GTF3C6: variants seen among roughly 807,000 people sequenced by gnomAD.
GTF3C6 encodes general transcription factor IIIC subunit 6, also known as general transcription factor 3C polypeptide 6.
A neutral mutation model predicts 19.2 loss-of-function variants in GTF3C6; 11 were observed. The observed-to-expected ratio is 0.57, with a 90% CI of 0.36 to 0.95. The LOEUF is 0.95. Among genes scored for constraint, GTF3C6 ranks in the 40% least tolerant of loss-of-function variants. The probability of loss-of-function intolerance (pLI) is 0.01; values close to 1 mark genes in which losing one functional copy is unlikely to be tolerated. For missense variants in GTF3C6, 222 were observed against 254.7 expected (o/e 0.87, Z 0.87); for synonymous variants, 87 against 84.2 (o/e 1.03, Z -0.18).
At position 110,967,742 on chromosome 6, in the gene GTF3C6, T is replaced by G; in HGVS notation, c.594T>G (p.Pro198=). The change falls in exon 6 of 6, where the codon CCT becomes CCG. Residue 198 remains proline, a synonymous_variant. Coordinates refer to ENST00000329970, the MANE Select transcript of GTF3C6 (RefSeq NM_138408.4). The part of the protein sequence containing the change: ...IEDSGPLIDI[P]SETEGSVFME... ...ATTCTGGTCCTCTTATTGATATACC[T>G]TCTGAGACAGAAGGTTCTGTTTTTA... is the stretch of plus-strand genomic sequence containing the variant. The G allele has an allele frequency of 6.2e-7, 1 of 1,612,764 alleles. No homozygotes were observed. The highest frequency in any genetic ancestry group is 8.5e-7 in the Non-Finnish European group (1 of 1,179,602).
chr6:110,959,006 C>T, intron 1 of GTF3C6, 166 bp from the exon 2 acceptor site: 3 of 832,006 alleles, frequency 3.6e-6, no homozygotes, highest in East Asian at 5.3e-5. Context: ...ATCGTCACCC[C>T]GTACTTGGGA....
intron 2 of GTF3C6, 23 bp from the exon 3 acceptor site, chr6:110,960,391 T>TA: frequency 1.3e-6 from 2 of 1,547,580 alleles, no homozygotes; most frequent in Non-Finnish European, 1.7e-6. Context: ...GTTTTTTTTT[T>TA]ATGATCCTTT....
intron 5 of GTF3C6, among the ~76,000 whole-genome samples, chr6:110,964,798 C>G (rs6912965): frequency 6.6e-6 from 1 of 151,654 alleles, no homozygotes; most frequent in Admixed American, 6.6e-5. Flanking sequence ...CCCACCACCA[C>G]GCCCGGCTAA....
intron 4 of GTF3C6, among the ~76,000 whole-genome samples, chr6:110,961,149 C>T (rs1259665649): frequency 6.6e-6 from 1 of 151,794 alleles, no homozygotes; most frequent in African/African-American, 2.4e-5. Context: ...TGATCACTCT[C>T]CTGAATTCTT....
At chr6:110,958,986 C>T (rs6909177) in intron 1 of GTF3C6, 160 bp downstream of exon 1, 13,654 of 901,854 alleles carry the variant, frequency 0.015, 129 homozygotes, top group Non-Finnish European at 0.019. Context: ...AGCTTGGGAC[C>T]TTAGCCCTAA....
chr6:110,964,451 G>T (rs929079733), intron 5 of GTF3C6, among the ~76,000 whole-genome samples: 3 of 151,786 alleles, frequency 2.0e-5, no homozygotes, highest in Non-Finnish European at 4.4e-5. Context: ...CACCATGTTG[G>T]TCAGGCTGGT....
At chr6:110,959,283 TAG>T (rs763869269) in intron 2 of GTF3C6, 31 bp downstream of exon 2, 9 of 1,287,830 alleles carry the variant, frequency 7.0e-6, no homozygotes, top group East Asian at 2.3e-5. Context: ...GGGATTGTTC[TAG>T]AGTGTCTTAA....
Position 110,959,163 on chromosome 6 carries a change from T to G in GTF3C6, c.58-9T>G. ...GTGCTAGCATGTTAACCCCTCTTTC[T>G]TTCACCAGGAGCAGTTGGTTCTGGT... On this transcript the variant is annotated splice_polypyrimidine_tract_variant and intron_variant, in intron 1 of 5. Transcript: ENST00000329970. 1.9e-6 allele frequency: 3 copies of G among 1,600,968 alleles called. No individual in the cohort carries two copies. Among genetic ancestry groups the G allele is most frequent in the Non-Finnish European group, 2.6e-6 (3 of 1,168,200 alleles).
intron 4 of GTF3C6, among the ~76,000 whole-genome samples, chr6:110,961,215 A>G (rs1177949174): frequency 2.7e-5 from 4 of 148,628 alleles, no homozygotes; most frequent in East Asian, 2.1e-4. Flanking sequence ...CAGTGGTGCA[A>G]TCTTGGCTCA....
At chr6:110,964,607 C>T (rs959518024) in intron 5 of GTF3C6, among the ~76,000 whole-genome samples, 1 of 151,986 alleles carries the variant, frequency 6.6e-6, no homozygotes, top group African/African-American at 2.4e-5. Context: ...CTGAAGAGAC[C>T]ACTGTGCCCA....
intron 5 of GTF3C6, among the ~76,000 whole-genome samples, chr6:110,966,038 G>A (rs548960674): frequency 5.9e-5 from 9 of 152,194 alleles, no homozygotes; most frequent in Non-Finnish European, 1.2e-4. Flanking sequence ...GTTGTTGGCA[G>A]GAGGCCTCAG....
At chr6:110,959,355 C>A in intron 2 of GTF3C6, 103 bp downstream of exon 2, 1 of 732,022 alleles carries the variant, frequency 1.4e-6, no homozygotes, top group Non-Finnish European at 2.4e-6. Context: ...ATTTATTTCA[C>A]CTTACAAAGT....
intron 2 of GTF3C6, 103 bp downstream of exon 2, chr6:110,959,355 C>T (rs1455623106): frequency 9.6e-6 from 7 of 731,906 alleles, no homozygotes; most frequent in Admixed American, 7.2e-5. Flanking sequence ...ATTTATTTCA[C>T]CTTACAAAGT....
chr6:110,962,609 G>T, intron 5 of GTF3C6, 104 bp downstream of exon 5: 2 of 664,576 alleles, frequency 3.0e-6, no homozygotes, highest in South Asian at 1.9e-5. Flanking sequence ...AACTATACAT[G>T]ATTTTTGTTT....
In GTF3C6 at chr6:110,960,560, AT is replaced by A; in HGVS notation, c.203-7del. On this transcript the variant is annotated splice_polypyrimidine_tract_variant and intron_variant, in intron 3 of 5. Coordinates refer to ENST00000329970, the MANE Select transcript of GTF3C6 (RefSeq NM_138408.4). ...GCTCTTCTCAACAATTTGCCTTTGT[AT>A]TTTTCTGCAGACACTCTAGGGACCT... 1 of 1,613,564 alleles carries A rather than the reference AT, an allele frequency of 6.2e-7. No individual in the cohort carries two copies. The highest frequency in any genetic ancestry group is 8.5e-7 in the Non-Finnish European group (1 of 1,179,664).
intron 2 of GTF3C6, among the ~76,000 whole-genome samples, chr6:110,959,748 A>G (rs1234838311): frequency 6.6e-6 from 1 of 151,954 alleles, no homozygotes; most frequent in Non-Finnish European, 1.5e-5. Context: ...TCACGAGCCC[A>G]GGAGTTCGAG....
rs756710859 is a variant in GTF3C6, at chr6:110,960,509, C to T, written c.202+32C>T. The T allele has an allele frequency of 6.5e-5, 104 of 1,611,748 alleles. No homozygotes were observed. In the Middle Eastern group the frequency reaches 1.2e-3, roughly 18 times the overall value. On this transcript the variant is annotated intron_variant, in intron 3 of 5. Transcript: ENST00000329970. ...GGATGTCAGATAGATGGAACTCTTT[C>T]TGATATGGGCTTTTCAGAGATGGTA...
intron 5 of GTF3C6, among the ~76,000 whole-genome samples, chr6:110,964,188 C>T (rs1327285473): frequency 2.0e-5 from 3 of 152,138 alleles, no homozygotes; most frequent in African/African-American, 7.2e-5. Context: ...CTCAGCCTCC[C>T]CAGTAGTTGG....
chr6:110,958,730 G>A lies in GTF3C6; in HGVS notation c.-40G>A, dbSNP rs1188875233. The A allele has an allele frequency of 1.3e-6, 2 of 1,548,976 alleles. No individual in the cohort carries two copies. Among genetic ancestry groups the A allele is most frequent in the Non-Finnish European group, 8.7e-7 (1 of 1,146,068 alleles). On this transcript the variant is annotated 5_prime_UTR_variant, in exon 1 of 6. Transcript: ENST00000329970. ...CGTACTCAAGATGGCGGCTCCGGGC[G>A]GGCGTGGCCAGTGACTAGAAGGCGA... is the stretch of plus-strand genomic sequence containing the variant.
Sources: gnomAD v4.1 joint callset for allele counts (sites outside exome capture counted in the v4.1 genomes callset) on GRCh38, gnomAD v4.1.1 for gene constraint, MANE v1.5 for transcripts, NCBI Gene and HGNC (gene_info 2026-07-23, HGNC 2026-07-21) for gene names.